The following ADCY2 variants were observed in gnomAD, a reference collection of about 807,000 sequenced individuals.
ADCY2 encodes adenylate cyclase type 2.
Under a neutral mutation model 125.2 loss-of-function variants are expected in ADCY2, and 31 were observed. The ratio of observed to expected loss-of-function variants is 0.25; its 90% CI spans 0.19 to 0.33. The LOEUF (loss-of-function observed/expected upper bound fraction) is 0.33, where lower values mean the gene tolerates loss of function less well. Ranked by LOEUF, ADCY2 falls within the 10% of genes least tolerant of loss-of-function variation. The pLI is 1.00. For missense variants in ADCY2, 904 were observed against 1,418.2 expected (o/e 0.64, Z 5.82); for synonymous variants, 512 against 548.4 (o/e 0.93, Z 0.93).
chr5:7,808,565 C>G (rs956638221), intron 22 of ADCY2, among the ~76,000 whole-genome samples: 15 of 152,200 alleles, frequency 9.9e-5, no homozygotes, highest in Non-Finnish European at 1.8e-4. Context: ...AGGCACGGAG[C>G]AGTCAAGTAA....
At chr5:7,650,120 C>G (rs1739036370) in intron 4 of ADCY2, among the ~76,000 whole-genome samples, 1 of 152,026 alleles carries the variant, frequency 6.6e-6, no homozygotes, top group African/African-American at 2.4e-5. Context: ...CACATTGAGC[C>G]TTTAAAATAG....
At chr5:7,566,293 C>T (rs1735890973) in intron 3 of ADCY2, among the ~76,000 whole-genome samples, 1 of 152,092 alleles carries the variant, frequency 6.6e-6, no homozygotes, top group Non-Finnish European at 1.5e-5. Context: ...TCAAGACCAG[C>T]TCGGCAACAT....
At chr5:7,773,756 T>C (rs1743628395) in intron 18 of ADCY2, among the ~76,000 whole-genome samples, 2 of 152,218 alleles carry the variant, frequency 1.3e-5, no homozygotes, top group South Asian at 4.1e-4. Context: ...TTTAGGTCTT[T>C]CAACCATAAG....
chr5:7,733,011 C>A (rs1396881035), intron 14 of ADCY2, among the ~76,000 whole-genome samples: 2 of 152,172 alleles, frequency 1.3e-5, no homozygotes, highest in African/African-American at 2.4e-5. Context: ...CAAAAATGAT[C>A]AAGCATGAAT....
chr5:7,400,780 G>A (rs181878628), intron 1 of ADCY2, among the ~76,000 whole-genome samples: 1 of 152,290 alleles, frequency 6.6e-6, no homozygotes, highest in Admixed American at 6.5e-5. Context: ...TACTCTGCAG[G>A]TGCTTGTAAT....
intron 12 of ADCY2, among the ~76,000 whole-genome samples, chr5:7,722,473 A>T (rs559520335): frequency 6.6e-6 from 1 of 152,176 alleles, no homozygotes; most frequent in African/African-American, 2.4e-5. Flanking sequence ...CCGTTCTGAA[A>T]GTGAGTATGG....
At chr5:7,450,666 T>TAG (rs1741440119) in intron 2 of ADCY2, among the ~76,000 whole-genome samples, 2 of 152,242 alleles carry the variant, frequency 1.3e-5, no homozygotes. Flanking sequence ...GAAGATGTCC[T>TAG]CTAGGACTTT....
At chr5:7,500,751 T>C (rs1286401571) in intron 2 of ADCY2, among the ~76,000 whole-genome samples, 1 of 152,206 alleles carries the variant, frequency 6.6e-6, no homozygotes. Context: ...TTATTTCTAA[T>C]AAATATTTAC....
intron 24 of ADCY2, among the ~76,000 whole-genome samples, chr5:7,824,248 A>G (rs1315711291): frequency 6.6e-6 from 1 of 152,182 alleles, no homozygotes; most frequent in Non-Finnish European, 1.5e-5. Flanking sequence ...CCCCAAGAAC[A>G]GCATAGCAAG....
chr5:7,729,642 A>G lies in ADCY2; in HGVS notation c.1871+2381A>G, dbSNP rs886152845. ...TAAAAGCAACTTTATTAGAAAGTAA[A>G]GAAATAAAATAATGGCTACTCCTTA... On this transcript the variant is annotated intron_variant, in intron 14 of 24. Coordinates refer to ENST00000338316, the MANE Select transcript of ADCY2 (RefSeq NM_020546.3). Among the ~76,000 whole-genome samples the G allele has an allele frequency of 2.6e-5, 4 of 151,112 alleles. No individual in the cohort carries two copies. The East Asian group carries it at 7.7e-4, about 29-fold the overall frequency.
chr5:7,436,114 A>G (rs886692661), intron 2 of ADCY2, among the ~76,000 whole-genome samples: 3 of 152,238 alleles, frequency 2.0e-5, no homozygotes, highest in Non-Finnish European at 4.4e-5. Flanking sequence ...ATTAATTAAC[A>G]CTGTATTAAA....
intron 22 of ADCY2, among the ~76,000 whole-genome samples, chr5:7,810,270 T>A (rs1411399085): frequency 3.3e-5 from 5 of 152,048 alleles, no homozygotes; most frequent in Non-Finnish European, 7.4e-5. Flanking sequence ...ATCTACCTGA[T>A]TGGTGGGTTA....
chr5:7,779,592 A>G (rs1743851175), intron 18 of ADCY2, among the ~76,000 whole-genome samples: 1 of 151,152 alleles, frequency 6.6e-6, no homozygotes, highest in East Asian at 1.9e-4. Context: ...CCCAACACAC[A>G]CTTTTGTCAT....
rs113442091 is a variant in ADCY2, at chr5:7,720,934, A to G, written c.1704-3611A>G. On this transcript the variant is annotated intron_variant, in intron 12 of 24. Coordinates refer to ENST00000338316, the MANE Select transcript of ADCY2 (RefSeq NM_020546.3). ...CCCAGTAATGGGATGGCTGGGGCAA[A>G]TGGAATTTCTAGTTCTAGATCCTTG... Among the ~76,000 whole-genome samples the G allele has an allele frequency of 5.9e-3, 905 of 152,294 alleles. 15 individuals are homozygous for G. The highest frequency in any genetic ancestry group is 0.02 in the African/African-American group (848 of 41,550).
intron 4 of ADCY2, among the ~76,000 whole-genome samples, chr5:7,666,299 C>A (rs2126699094): frequency 6.6e-6 from 1 of 151,992 alleles, no homozygotes; most frequent in South Asian, 2.1e-4. Flanking sequence ...ACACCAGGAC[C>A]ATTTTGTCAC....
chr5:7,577,622 C>G (rs1736290450), intron 3 of ADCY2, among the ~76,000 whole-genome samples: 1 of 152,030 alleles, frequency 6.6e-6, no homozygotes, highest in Admixed American at 6.6e-5. Context: ...AGAAGACTGT[C>G]TCATGACATT....
intron 18 of ADCY2, among the ~76,000 whole-genome samples, chr5:7,776,315 T>G (rs1743725606): frequency 1.3e-5 from 2 of 151,662 alleles, no homozygotes; most frequent in South Asian, 4.2e-4. Flanking sequence ...CGGGCAGCAC[T>G]GCCTTTTCTG....
Position 7,629,682 on chromosome 5 carries a change from T to C in ADCY2, c.720+3366T>C, listed in dbSNP as rs76448889. On this transcript the variant is annotated intron_variant, in intron 4 of 24. Transcript: ENST00000338316. ...GAAGGTATTCACCTGTCTCGAGTTT[T>C]GACTTTTGTCTTAAGTTTCATATCC... Among the ~76,000 whole-genome samples the C allele has an allele frequency of 8.4e-3, 1,278 of 152,352 alleles. 54 individuals carry two copies. The East Asian group carries it at 0.12, about 14-fold the overall frequency.
chr5:7,433,430 GCA>G lies in ADCY2; in HGVS notation c.408+18669_408+18670del, dbSNP rs912202386. Among the ~76,000 whole-genome samples the G allele has an allele frequency of 3.2e-3, 485 of 151,988 alleles. 1 individual carries two copies. Among genetic ancestry groups the G allele is most frequent in the African/African-American group, 0.011 (460 of 41,454 alleles). The stretch of plus-strand genomic sequence containing the variant: ...ATACATGGTTTGTGTGTGTGTGTGT[GCA>G]CACACACATACAATGCCTAGGTCAC... On this transcript the variant is annotated intron_variant, in intron 2 of 24. Transcript: ENST00000338316.
Sources: allele counts gnomAD v4.1 joint callset (sites outside exome capture counted in the v4.1 genomes callset), GRCh38; gene constraint gnomAD v4.1.1; transcripts MANE v1.5; gene names NCBI Gene and HGNC (gene_info 2026-07-23, HGNC 2026-07-21).